MORC2: variants seen among roughly 807,000 people sequenced by gnomAD.
The protein encoded by MORC2 is MORC family CW-type zinc finger 2, also known as ATPase MORC2.
MORC2 carries 30 observed loss-of-function variants against 136.0 expected under a neutral mutation model. The ratio of observed to expected loss-of-function variants is 0.22; its 90% CI spans 0.17 to 0.30. MORC2 has a LOEUF of 0.30. MORC2 is among the 10% of genes least tolerant of loss of function. The pLI is 1.00. For synonymous variants in MORC2, 439 were observed against 487.0 expected (o/e 0.90, Z 1.30); for missense variants, 922 against 1,333.1 (o/e 0.69, Z 4.80).
Position 30,932,538 on chromosome 22 carries a change from C to G in MORC2, c.2747+7G>C. 1 of 1,613,960 alleles carries G rather than the reference C, an allele frequency of 6.2e-7. No homozygotes were observed. The highest frequency in any genetic ancestry group is 8.5e-7 in the Non-Finnish European group (1 of 1,179,902). On this transcript the variant is annotated splice_region_variant and intron_variant, in intron 23 of 25. Transcript: ENST00000397641. The surrounding 1 kb of genome is among the most constrained non-coding windows in gnomAD (Gnocchi z 4.4). ...CCCTGGGGTGGGAAGACAAAAGACACATGTACCGGAGGATCTGGACAAGCA... is the reference window on the plus strand; with the variant it reads ...CCCTGGGGTGGGAAGACAAAAGACAGATGTACCGGAGGATCTGGACAAGCA...
At position 30,934,977 on chromosome 22, in the gene MORC2, CTAG is replaced by C; in HGVS notation, c.1994_1996del (p.Ser665_Arg666delinsTrp). The C allele has an allele frequency of 6.2e-7, 1 of 1,614,086 alleles. No individual in the cohort carries two copies. The highest frequency in any genetic ancestry group is 8.5e-7 in the Non-Finnish European group (1 of 1,180,016). ...GGGTGCCTCAGGTGGCTGGAGCAGC[CTAG>C]ATGTGCTGGCCTCCTCCCGGGCTGC... On this transcript the variant is annotated inframe_deletion, in exon 19 of 26. Coordinates refer to ENST00000397641, the MANE Select transcript of MORC2 (RefSeq NM_001303256.3). This position sits in a 1 kb window ranked among gnomAD's most constrained non-coding sequence, Gnocchi z 4.4.
intron 24 of MORC2, among the ~76,000 whole-genome samples, chr22:30,930,312 C>T (rs940790583): frequency 1.3e-5 from 2 of 152,228 alleles, no homozygotes; most frequent in Admixed American, 6.5e-5. Flanking sequence ...AACCTAGCCA[C>T]CCTATTAGCT....
chr22:30,939,766 G>A, intron 11 of MORC2, 60 bp from the exon 12 acceptor site: 1 of 1,514,504 alleles, frequency 6.6e-7, no homozygotes, highest in Admixed American at 1.8e-5. Flanking sequence ...AGGGAATATT[G>A]AAACATTACA....
intron 1 of MORC2, among the ~76,000 whole-genome samples, chr22:30,964,452 T>A (rs1201360476): frequency 1.3e-5 from 2 of 152,254 alleles, no homozygotes; most frequent in East Asian, 1.9e-4. Context: ...ATAGCAGACA[T>A]CTTATATCTA....
intron 6 of MORC2, among the ~76,000 whole-genome samples, chr22:30,942,493 T>C (rs2040755603): frequency 6.6e-6 from 1 of 152,236 alleles, no homozygotes; most frequent in Non-Finnish European, 1.5e-5. Flanking sequence ...TGTTGGTTTA[T>C]GTGCTTAGGG....
chr22:30,950,845 C>T (rs967757771), intron 3 of MORC2, among the ~76,000 whole-genome samples: 1 of 152,190 alleles, frequency 6.6e-6, no homozygotes, highest in Non-Finnish European at 1.5e-5. Context: ...ACACACTGTA[C>T]TTTATCAATA....
intron 3 of MORC2, among the ~76,000 whole-genome samples, chr22:30,954,971 T>TG (rs2040945311): frequency 6.7e-6 from 1 of 148,468 alleles, no homozygotes. Context: ...TTTTTTTTTT[T>TG]TTTTGAGACG....
intron 1 of MORC2, among the ~76,000 whole-genome samples, chr22:30,962,726 A>C (rs1602515573): frequency 6.6e-6 from 1 of 152,216 alleles, no homozygotes; most frequent in Non-Finnish European, 1.5e-5. Context: ...TTGTGATGGC[A>C]GTACATATCA....
intron 25 of MORC2, 37 bp downstream of exon 25, chr22:30,927,982 G>C (rs1473189432): frequency 6.2e-7 from 1 of 1,610,392 alleles, no homozygotes; most frequent in South Asian, 1.1e-5. Context: ...TGAGAGACCA[G>C]GTGGTCCAGC....
At position 30,934,740 on chromosome 22, in the gene MORC2, C is replaced by G; in HGVS notation, c.2193+41G>C. 1 of 1,602,140 alleles carries G rather than the reference C, an allele frequency of 6.2e-7. No individual in the cohort carries two copies. Among genetic ancestry groups the G allele is most frequent in the Non-Finnish European group, 8.5e-7 (1 of 1,172,394 alleles). The stretch of plus-strand genomic sequence containing the variant: ...ACTGCACAATTCCATTCCTACACTA[C>G]TGACACTGGGCTGGGGTATTAAAGA... On this transcript the variant is annotated intron_variant, in intron 19 of 25. Transcript: ENST00000397641. The surrounding 1 kb of genome is among the most constrained non-coding windows in gnomAD (Gnocchi z 4.4).
intron 3 of MORC2, among the ~76,000 whole-genome samples, chr22:30,956,218 C>T (rs777005352): frequency 7.9e-4 from 120 of 152,104 alleles, no homozygotes; most frequent in Non-Finnish European, 1.1e-3. Flanking sequence ...ATAAGCAAAA[C>T]GAAATAGGAT....
At chr22:30,945,081 C>G (rs1261932336) in intron 6 of MORC2, among the ~76,000 whole-genome samples, 2 of 152,232 alleles carry the variant, frequency 1.3e-5, no homozygotes, top group African/African-American at 4.8e-5. Flanking sequence ...CAAGTCCCCT[C>G]CCACAGCCCT....
Position 30,954,138 on chromosome 22 carries a change from T to C in MORC2, c.157+2625A>G, listed in dbSNP as rs547374841. Among the ~76,000 whole-genome samples the C allele has an allele frequency of 3.2e-4, 48 of 152,022 alleles. No individual in the cohort carries two copies. The South Asian group carries it at 8.7e-3, about 28-fold the overall frequency. Reference sequence around the variant, plus strand: ...GGGCAACATGGTGAAAAAATATATATACAAAAATTAACCAGGTATGGTGGT... The same window carrying C: ...GGGCAACATGGTGAAAAAATATATACACAAAAATTAACCAGGTATGGTGGT... On this transcript the variant is annotated intron_variant, in intron 3 of 25. Coordinates refer to ENST00000397641, the MANE Select transcript of MORC2 (RefSeq NM_001303256.3).
intron 1 of MORC2, chr22:30,967,426 C>G (rs1288239761): frequency 3.0e-6 from 3 of 989,302 alleles, no homozygotes; most frequent in Non-Finnish European, 3.6e-6. Context: ...AAAGTAAACA[C>G]TTGTTATAAA....
intron 3 of MORC2, among the ~76,000 whole-genome samples, chr22:30,952,052 C>T (rs1487837854): frequency 1.3e-5 from 2 of 152,106 alleles, no homozygotes; most frequent in Non-Finnish European, 2.9e-5. Context: ...CCTGGAAGTA[C>T]TATTGGTTAG....
intron 6 of MORC2, among the ~76,000 whole-genome samples, chr22:30,943,096 T>C (rs1397707958): frequency 6.6e-6 from 1 of 152,136 alleles, no homozygotes; most frequent in Non-Finnish European, 1.5e-5. Context: ...GTGATACAAA[T>C]GAACTAACCA....
chr22:30,964,355 C>A (rs745663779), intron 1 of MORC2, among the ~76,000 whole-genome samples: 20 of 149,092 alleles, frequency 1.3e-4, no homozygotes, highest in Non-Finnish European at 2.8e-4. Flanking sequence ...AGACTCCATC[C>A]AAAAAAAAAC....
At position 30,953,294 on chromosome 22, in the gene MORC2, AAAGT is replaced by A. The variant is rs2040917680; in HGVS notation, c.158-2853_158-2850del. Among the ~76,000 whole-genome samples the A allele has an allele frequency of 2.6e-5, 4 of 152,216 alleles. No individual in the cohort carries two copies. In the South Asian group the frequency reaches 8.3e-4, roughly 32 times the overall value. On this transcript the variant is annotated intron_variant, in intron 3 of 25. Transcript: ENST00000397641. ...TCCCCGCCTCCCATCACACATCTTG[AAAGT>A]AAGAGAAGGCAAAGCCGAACTGCCT... is the stretch of plus-strand genomic sequence containing the variant.
intron 6 of MORC2, among the ~76,000 whole-genome samples, chr22:30,945,370 C>A (rs575607865): frequency 6.6e-6 from 1 of 152,338 alleles, no homozygotes; most frequent in South Asian, 2.1e-4. Flanking sequence ...ATGATTAAGG[C>A]TCAGATCTAA....
Sources: gnomAD v4.1 joint callset for allele counts (sites outside exome capture counted in the v4.1 genomes callset) on GRCh38, gnomAD v4.1.1 for gene constraint, Gnocchi (gnomAD v3.1) non-coding constraint, MANE v1.5 for transcripts, NCBI Gene and HGNC (gene_info 2026-07-23, HGNC 2026-07-21) for gene names.